Variants in LYPLAL1 observed in about 807,000 individuals in gnomAD.
LYPLAL1 encodes lysophospholipase-like protein 1.
A neutral mutation model predicts 19.7 loss-of-function variants in LYPLAL1; 23 were observed. The ratio of observed to expected loss-of-function variants is 1.17; its 90% confidence interval spans 0.84 to 1.65. The LOEUF is 1.65. Among genes scored for constraint, LYPLAL1 ranks in the 40% most tolerant of loss-of-function variants. The pLI is 0.00. For missense variants in LYPLAL1, 355 were observed against 279.4 expected (o/e 1.27, Z -1.93); for synonymous variants, 119 against 96.3 (o/e 1.24, Z -1.38).
the LYPLAL1 span, among the ~76,000 whole-genome samples, chr1:219,324,491 G>T: frequency 1.3e-5 from 2 of 152,052 alleles, no homozygotes. Flanking sequence ...TTCCCCCTCT[G>T]CACTCGTGTT....
the LYPLAL1 span, among the ~76,000 whole-genome samples, chr1:219,250,658 T>C: frequency 6.6e-6 from 1 of 152,084 alleles, no homozygotes; most frequent in African/African-American, 2.4e-5. Context: ...GGCTGCATAG[T>C]ATTCCATGGT....
At chr1:219,181,614 A>G (rs957033088) in intron 2 of LYPLAL1, among the ~76,000 whole-genome samples, 1 of 152,204 alleles carries the variant, frequency 6.6e-6, no homozygotes, top group African/African-American at 2.4e-5. Context: ...TGTGGGAGCA[A>G]AAGTGTGAGG....
At chr1:219,440,663 T>G in the LYPLAL1 span, among the ~76,000 whole-genome samples, 1 of 152,186 alleles carries the variant, frequency 6.6e-6, no homozygotes, top group East Asian at 1.9e-4. Flanking sequence ...GTTATTTAAC[T>G]ATGTTGAAAA....
the LYPLAL1 span, among the ~76,000 whole-genome samples, chr1:219,324,060 A>G: frequency 6.6e-6 from 1 of 152,086 alleles, no homozygotes; most frequent in African/African-American, 2.4e-5. Context: ...ACTGTTCCCA[A>G]ATGGTGGTTC....
intron 3 of LYPLAL1, among the ~76,000 whole-genome samples, chr1:219,197,442 T>G (rs1657693886): frequency 6.6e-6 from 1 of 152,182 alleles, no homozygotes; most frequent in Non-Finnish European, 1.5e-5. Context: ...AAATTGAAAC[T>G]GGACCCCTTA....
chr1:219,206,152 A>G (rs534137877), intron 3 of LYPLAL1, among the ~76,000 whole-genome samples: 44 of 152,180 alleles, frequency 2.9e-4, no homozygotes, highest in Admixed American at 1.0e-3. Flanking sequence ...TGTTCCTAAT[A>G]TAGTCTTTTT....
chr1:219,205,217 C>T (rs1430345355), intron 3 of LYPLAL1, among the ~76,000 whole-genome samples: 4 of 151,028 alleles, frequency 2.6e-5, no homozygotes, highest in East Asian at 3.9e-4. Context: ...ATTAGCCGGG[C>T]GCGGTGGCGG....
At chr1:219,332,408 T>A in the LYPLAL1 span, among the ~76,000 whole-genome samples, 4 of 152,120 alleles carry the variant, frequency 2.6e-5, no homozygotes, top group Non-Finnish European at 5.9e-5. Flanking sequence ...CCAGAAGATA[T>A]CATATGAAGC....
chr1:219,206,941 A>G (rs373341345), intron 3 of LYPLAL1, among the ~76,000 whole-genome samples: 8 of 152,084 alleles, frequency 5.3e-5, no homozygotes, highest in Non-Finnish European at 1.0e-4. Flanking sequence ...AAAATTATCT[A>G]TGAAATACTA....
the LYPLAL1 span, among the ~76,000 whole-genome samples, chr1:219,245,541 T>G: frequency 6.6e-6 from 1 of 152,186 alleles, no homozygotes; most frequent in Non-Finnish European, 1.5e-5. Context: ...TACATTTAAC[T>G]GCATTTTAAC....
chr1:219,237,116 TAAAAAGTCAGCTCAGCAC>T, the LYPLAL1 span, among the ~76,000 whole-genome samples: 1 of 152,186 alleles, frequency 6.6e-6, no homozygotes, highest in Admixed American at 6.5e-5. Context: ...TAAGACAACA[TAAAAAGTCAGCTCAGCAC>T]AAATGAATAT....
the LYPLAL1 span, among the ~76,000 whole-genome samples, chr1:219,430,890 T>TCACTATATTGCCCA: frequency 6.6e-6 from 1 of 152,294 alleles, no homozygotes; most frequent in Admixed American, 6.5e-5. Context: ...TTGCCCAGGC[T>TCACTATATTGCCCA]GGTCTCAAAC....
the LYPLAL1 span, among the ~76,000 whole-genome samples, chr1:219,347,463 C>T: frequency 6.6e-6 from 1 of 152,168 alleles, no homozygotes; most frequent in Non-Finnish European, 1.5e-5. Context: ...GAGAAGGATT[C>T]TTGATGCCTC....
At chr1:219,337,691 C>A in the LYPLAL1 span, among the ~76,000 whole-genome samples, 2 of 151,990 alleles carry the variant, frequency 1.3e-5, no homozygotes, top group African/African-American at 4.8e-5. Flanking sequence ...CCATAGCACA[C>A]AAAAGCTGGC....
the LYPLAL1 span, among the ~76,000 whole-genome samples, chr1:219,335,211 G>C: frequency 6.6e-6 from 1 of 151,874 alleles, no homozygotes; most frequent in Non-Finnish European, 1.5e-5. Flanking sequence ...CTGTATTTGT[G>C]TATCTTGAAT....
chr1:219,238,429 G>A, the LYPLAL1 span, among the ~76,000 whole-genome samples: 1 of 150,208 alleles, frequency 6.7e-6, no homozygotes, highest in Admixed American at 6.6e-5. Flanking sequence ...GGGATTACAG[G>A]CGTGAGCCAC....
chr1:219,337,216 C>T, the LYPLAL1 span, among the ~76,000 whole-genome samples: 1 of 151,946 alleles, frequency 6.6e-6, no homozygotes, highest in Admixed American at 6.6e-5. Context: ...AACTTAATCA[C>T]ATATACAAAA....
chr1:219,254,188 G>T, the LYPLAL1 span, among the ~76,000 whole-genome samples: 32 of 152,050 alleles, frequency 2.1e-4, no homozygotes, highest in Middle Eastern at 3.4e-3. Context: ...GTTTGAGACG[G>T]ATCTCTTGAA....
At chr1:219,237,900 AAT>A in the LYPLAL1 span, among the ~76,000 whole-genome samples, 1 of 152,270 alleles carries the variant, frequency 6.6e-6, no homozygotes, top group African/African-American at 2.4e-5. Flanking sequence ...CATCTAGCAC[AAT>A]CCCTGGCCTA....
Sources: gnomAD v4.1 joint callset for allele counts (sites outside exome capture counted in the v4.1 genomes callset) on GRCh38, gnomAD v4.1.1 for gene constraint, MANE v1.5 for transcripts, NCBI Gene and HGNC (gene_info 2026-07-23, HGNC 2026-07-21) for gene names.